The following ADCYAP1 variants were observed in gnomAD, a reference collection of about 807,000 sequenced individuals.
ADCYAP1 encodes pituitary adenylate cyclase-activating polypeptide.
A neutral mutation model predicts 18.5 loss-of-function variants in ADCYAP1; 6 were observed. That is an observed-to-expected ratio of 0.32 (90% CI 0.18 to 0.64). The LOEUF is 0.64. Among genes scored for constraint, ADCYAP1 ranks in the 30% least tolerant of loss-of-function variants. The pLI is 0.77. For missense variants in ADCYAP1, 314 were observed against 253.6 expected, an observed-to-expected ratio of 1.24 and a Z score of -1.62; for synonymous variants, 136 against 113.9, an observed-to-expected ratio of 1.19 and a Z score of -1.24.
At chr18:905,577 C>T (rs906878677) in intron 2 of ADCYAP1, 81 bp downstream of exon 2, 4 of 1,510,972 alleles carry the variant, frequency 2.6e-6, no homozygotes, top group African/African-American at 1.4e-5. Flanking sequence ...TTCCTGCAGT[C>T]CTTTGGGTCC....
chr18:905,006 C>G lies in ADCYAP1; in HGVS notation c.-56C>G, dbSNP rs1006589557. The stretch of plus-strand genomic sequence containing the variant: ...ACTCCAGCGCAGGAACTTGAAGAAG[C>G]GCTTTGCCCGCCGTCCTACCTGGCA... On this transcript the variant is annotated 5_prime_UTR_variant, in exon 1 of 5. Coordinates refer to ENST00000450565, the MANE Select transcript of ADCYAP1 (RefSeq NM_001099733.2). The G allele has an allele frequency of 2.2e-4, 290 of 1,291,338 alleles. No homozygotes were observed. The highest frequency in any genetic ancestry group is 2.9e-4 in the Non-Finnish European group (283 of 990,096). The allele number at this position is 1,291,338 out of a possible 1,614,324, so 80.0% of individuals were successfully genotyped here. A position where few individuals can be genotyped will look rare whatever the true frequency, so the allele number is the denominator to read the frequency against.
intron 3 of ADCYAP1, chr18:908,036 C>T: frequency 8.0e-6 from 6 of 751,120 alleles, no homozygotes; most frequent in East Asian, 2.8e-5. Context: ...TGAGTGGCGT[C>T]AAGGAACCCA....
At position 907,678 on chromosome 18, in the gene ADCYAP1, G is replaced by T; in HGVS notation, c.130G>T (p.Gly44Cys). Residue 44 changes from glycine to cysteine, a missense_variant, in exon 3 of 5, where the codon GGC becomes TGC. By Grantham distance (159) the Gly-to-Cys change is radical. Transcript: ENST00000450565. ...PGIRPEEEAY[G>C]EDGNPLPDFD... The stretch of plus-strand genomic sequence containing the variant: ...CCGCAGGCCAGAGGAAGAGGCGTAC[G>T]GCGAGGACGGAAACCCGCTGCCAGA... 2 of 1,575,908 alleles carry T rather than the reference G, an allele frequency of 1.3e-6. No individual in the cohort carries two copies. Among genetic ancestry groups the T allele is most frequent in the South Asian group, 1.1e-5 (1 of 87,314 alleles).
chr18:909,278 G>C (rs1183544305), intron 4 of ADCYAP1, among the ~76,000 whole-genome samples, 168 bp from the exon 5 acceptor site: 1 of 152,202 alleles, frequency 6.6e-6, no homozygotes, highest in Non-Finnish European at 1.5e-5. Context: ...CTGCCGTCTC[G>C]GCCCTCCCCA....
chr18:905,620 G>A (rs1909139191), intron 2 of ADCYAP1, 124 bp downstream of exon 2: 3 of 1,166,464 alleles, frequency 2.6e-6, no homozygotes, highest in Admixed American at 2.5e-5. Flanking sequence ...CGCCCCCGGT[G>A]CGCCTCCGCC....
intron 1 of ADCYAP1, 98 bp from the exon 2 acceptor site, chr18:905,288 C>T: frequency 6.5e-7 from 1 of 1,534,110 alleles, no homozygotes; most frequent in Non-Finnish European, 8.7e-7. Context: ...CGGGGCTTCG[C>T]TCCGTCCCTC....
At chr18:909,371 GC>G in intron 4 of ADCYAP1, 74 bp from the exon 5 acceptor site, 1 of 1,454,876 alleles carries the variant, frequency 6.9e-7, no homozygotes, top group East Asian at 2.3e-5. Context: ...GTGGGGTGGG[GC>G]CCGCCTGCTC....
rs1428529178 is a variant in ADCYAP1, at chr18:911,509, A to G, written c.*1874A>G. ...TTACGGATTTGATCAGTATGAAGTC[A>G]TAAATCAAAGAAAACAGAATTGGAT... On this transcript the variant is annotated 3_prime_UTR_variant, in exon 5 of 5. Coordinates refer to ENST00000450565, the MANE Select transcript of ADCYAP1 (RefSeq NM_001099733.2). 2 of 152,214 alleles carry G rather than the reference A, an allele frequency of 1.3e-5. No homozygotes were observed. The highest frequency in any genetic ancestry group is 2.9e-5 in the Non-Finnish European group (2 of 68,040). 9.4% of individuals were successfully genotyped at this position (152,214 alleles called of 1,614,324 possible). A position where few individuals can be genotyped will look rare whatever the true frequency, so the allele number is the denominator to read the frequency against.
chr18:908,992 C>T (rs1018036693), intron 4 of ADCYAP1, among the ~76,000 whole-genome samples: 1 of 152,124 alleles, frequency 6.6e-6, no homozygotes, highest in African/African-American at 2.4e-5. Flanking sequence ...GAGGAGTGTT[C>T]ATATTTGACT....
chr18:908,262 T>C lies in ADCYAP1; in HGVS notation c.243-3T>C. 1 of 1,610,496 alleles carries C rather than the reference T, an allele frequency of 6.2e-7. No individual in the cohort carries two copies. The highest frequency in any genetic ancestry group is 2.2e-5 in the East Asian group (1 of 44,772). ...CTGGGCGCGCACTTTGCCTCCCCGT[T>C]AGAGATGTCGCCCACGGGATCCTTA... is the stretch of plus-strand genomic sequence containing the variant. On this transcript the variant is annotated splice_region_variant and splice_polypyrimidine_tract_variant and intron_variant, in intron 3 of 4. Transcript: ENST00000450565.
intron 2 of ADCYAP1, chr18:905,846 T>TTA (rs1225077025): frequency 1.3e-5 from 4 of 315,114 alleles, no homozygotes; most frequent in Non-Finnish European, 2.3e-5. Context: ...TTGGGACGAG[T>TTA]TAGGAGAACT....
intron 3 of ADCYAP1, 116 bp downstream of exon 3, chr18:907,906 A>C: frequency 2.2e-6 from 3 of 1,369,420 alleles, no homozygotes; most frequent in Non-Finnish European, 2.8e-6. Flanking sequence ...GAAAGTCCTC[A>C]AGCCTGTCCT....
At position 905,300 on chromosome 18, in the gene ADCYAP1, C is replaced by T. The variant is rs900476891; in HGVS notation, c.-1-86C>T. On this transcript the variant is annotated intron_variant, in intron 1 of 4. Transcript: ENST00000450565. Reference sequence around the variant, plus strand: ...AGCCGGGGCTTCGCTCCGTCCCTCCCCCGGCTTCCAGAGCTTTTTGGGGTT... The same window carrying T: ...AGCCGGGGCTTCGCTCCGTCCCTCCTCCGGCTTCCAGAGCTTTTTGGGGTT... 3 of 1,547,970 alleles carry T rather than the reference C, an allele frequency of 1.9e-6. No individual in the cohort carries two copies. The African/African-American group carries it at 4.1e-5, about 21-fold the overall frequency.
chr18:907,893 C>T lies in ADCYAP1; in HGVS notation c.242+103C>T, dbSNP rs1268591902. 1.0e-5 allele frequency: 14 copies of T among 1,361,672 alleles called. No homozygotes were observed. In the African/African-American group the frequency reaches 1.9e-4, roughly 18 times the overall value. The allele number at this position is 1,361,672 out of a possible 1,614,324, so 84.3% of individuals were successfully genotyped here. A position where few individuals can be genotyped will look rare whatever the true frequency, so the allele number is the denominator to read the frequency against. On this transcript the variant is annotated intron_variant, in intron 3 of 4. Transcript: ENST00000450565. ...CCACCCAGGATTTTTTTTTTTTTCCCGTGAAAGTCCTCAAGCCTGTCCTCT... is the reference window on the plus strand; with the variant it reads ...CCACCCAGGATTTTTTTTTTTTTCCTGTGAAAGTCCTCAAGCCTGTCCTCT...
intron 3 of ADCYAP1, chr18:908,022 G>T (rs1909244038): frequency 2.4e-6 from 2 of 816,936 alleles, no homozygotes; most frequent in Non-Finnish European, 3.7e-6. Context: ...CCAAAGAGTG[G>T]CAGTGAGTGG....
intron 3 of ADCYAP1, 53 bp from the exon 4 acceptor site, chr18:908,212 C>T (rs371625594): frequency 2.6e-6 from 4 of 1,512,726 alleles, no homozygotes; most frequent in Non-Finnish European, 1.8e-6. Context: ...TCTCTAGCGG[C>T]CACCTGGGGA....
intron 2 of ADCYAP1, 117 bp downstream of exon 2, chr18:905,613 C>T (rs1038942579): frequency 5.8e-6 from 7 of 1,199,692 alleles, no homozygotes; most frequent in Non-Finnish European, 8.0e-6. Flanking sequence ...CCCTCTGCGC[C>T]CCCGGTGCGC....
chr18:905,894 T>C (rs1238969907), intron 2 of ADCYAP1: 2 of 231,954 alleles, frequency 8.6e-6, no homozygotes, highest in Non-Finnish European at 1.7e-5. Flanking sequence ...AGCGTGAAGC[T>C]CCCTCGGACT....
intron 2 of ADCYAP1, 36 bp downstream of exon 2, chr18:905,532 G>A: frequency 1.2e-6 from 2 of 1,600,048 alleles, no homozygotes; most frequent in Non-Finnish European, 1.7e-6. Context: ...CAGGAGCTGG[G>A]GCTTCCCAGG....
Sources: allele counts gnomAD v4.1 joint callset (sites outside exome capture counted in the v4.1 genomes callset), GRCh38; gene constraint gnomAD v4.1.1; transcripts MANE v1.5; gene names NCBI Gene and HGNC (gene_info 2026-07-23, HGNC 2026-07-21).